The following CTNNA3 variants were observed in gnomAD, a reference collection of about 807,000 sequenced individuals.
The protein encoded by CTNNA3 is catenin alpha-3.
Under a neutral mutation model 95.7 loss-of-function variants are expected in CTNNA3, and 76 were observed. The ratio of observed to expected loss-of-function variants is 0.79; its 90% CI spans 0.66 to 0.96. The LOEUF is 0.96. CTNNA3 is among the 40% of genes least tolerant of loss of function. The pLI is 0.00. For missense variants in CTNNA3, 1,191 were observed against 1,089.8 expected, an observed-to-expected ratio of 1.09 and a Z score of -1.31; for synonymous variants, 431 against 374.4, an observed-to-expected ratio of 1.15 and a Z score of -1.74.
chr10:67,732,209 T>C (rs745566736), intron 1 of CTNNA3, among the ~76,000 whole-genome samples: 2 of 152,116 alleles, frequency 1.3e-5, no homozygotes, highest in African/African-American at 2.4e-5. Context: ...TATTGCATAA[T>C]GGTGAGGTCG....
At chr10:66,309,392 T>C (rs1589063690) in intron 12 of CTNNA3, among the ~76,000 whole-genome samples, 1 of 152,154 alleles carries the variant, frequency 6.6e-6, no homozygotes, top group South Asian at 2.1e-4. Flanking sequence ...CAAAATTCTG[T>C]CATTAAGGCT....
At chr10:67,073,137 T>G (rs1011532175) in intron 7 of CTNNA3, among the ~76,000 whole-genome samples, 3 of 152,206 alleles carry the variant, frequency 2.0e-5, no homozygotes, top group Admixed American at 2.0e-4. Flanking sequence ...CCTTCTGAAA[T>G]TTTAGTTCTT....
intron 5 of CTNNA3, among the ~76,000 whole-genome samples, chr10:67,235,058 G>T (rs1371843721): frequency 3.3e-5 from 5 of 151,318 alleles, no homozygotes; most frequent in African/African-American, 7.3e-5. Context: ...TGGGTAGGAA[G>T]AATCAATATC....
intron 5 of CTNNA3, among the ~76,000 whole-genome samples, chr10:67,502,577 C>G (rs1034961763): frequency 2.6e-5 from 4 of 152,220 alleles, no homozygotes; most frequent in Non-Finnish European, 5.9e-5. Flanking sequence ...ACAGCCACCC[C>G]TTCCCCCAGG....
chr10:65,955,802 G>A (rs1262968420), intron 17 of CTNNA3, among the ~76,000 whole-genome samples: 1 of 152,142 alleles, frequency 6.6e-6, no homozygotes, highest in Non-Finnish European at 1.5e-5. Context: ...GTATTTTACT[G>A]AGGATTTTGG....
intron 14 of CTNNA3, among the ~76,000 whole-genome samples, chr10:66,100,710 G>A (rs555102673): frequency 1.2e-4 from 18 of 152,164 alleles, no homozygotes; most frequent in African/African-American, 4.3e-4. Context: ...ATAATGGGCA[G>A]CCAGTCATCT....
intron 3 of CTNNA3, among the ~76,000 whole-genome samples, chr10:67,542,101 G>A (rs1840701344): frequency 1.3e-5 from 2 of 152,006 alleles, no homozygotes; most frequent in South Asian, 2.1e-4. Flanking sequence ...GCTCTGTTGG[G>A]AAGAGAAAAG....
intron 5 of CTNNA3, among the ~76,000 whole-genome samples, chr10:67,257,110 C>G (rs2132377697): frequency 6.6e-6 from 1 of 152,206 alleles, no homozygotes; most frequent in African/African-American, 2.4e-5. Flanking sequence ...CATTTTATAA[C>G]TATAAAACAA....
intron 7 of CTNNA3, among the ~76,000 whole-genome samples, chr10:66,999,497 T>C (rs572419259): frequency 6.6e-6 from 1 of 150,714 alleles, no homozygotes; most frequent in South Asian, 2.1e-4. Context: ...GATTATGCCA[T>C]AAAATCCATT....
intron 7 of CTNNA3, among the ~76,000 whole-genome samples, chr10:66,965,639 G>A (rs1849374982): frequency 6.7e-6 from 1 of 148,768 alleles, no homozygotes; most frequent in Non-Finnish European, 1.5e-5. Flanking sequence ...AATGTCTAAC[G>A]AACTTCCACG....
chr10:65,949,094 T>A (rs1247329604), intron 17 of CTNNA3, among the ~76,000 whole-genome samples: 1 of 152,204 alleles, frequency 6.6e-6, no homozygotes, highest in East Asian at 1.9e-4. Flanking sequence ...TCCTGTAATT[T>A]ATTATTATTT....
chr10:66,940,030 C>CT (rs1439763325), intron 7 of CTNNA3, among the ~76,000 whole-genome samples: 3 of 151,680 alleles, frequency 2.0e-5, no homozygotes, highest in African/African-American at 7.3e-5. Flanking sequence ...TGTTTTCATT[C>CT]TTTTTAAAGA....
At chr10:66,166,142 T>C (rs1338220430) in intron 13 of CTNNA3, among the ~76,000 whole-genome samples, 1 of 152,112 alleles carries the variant, frequency 6.6e-6, no homozygotes, top group Non-Finnish European at 1.5e-5. Flanking sequence ...AGAAGGTAAC[T>C]GCATTATTTT....
intron 16 of CTNNA3, among the ~76,000 whole-genome samples, chr10:65,977,061 A>T (rs1417274660): frequency 1.3e-5 from 2 of 152,174 alleles, no homozygotes; most frequent in Non-Finnish European, 2.9e-5. Flanking sequence ...TGACAGAAAA[A>T]CTTCGGTCTC....
chr10:67,147,553 T>C (rs989989930), intron 7 of CTNNA3, among the ~76,000 whole-genome samples: 1 of 152,224 alleles, frequency 6.6e-6, no homozygotes, highest in Non-Finnish European at 1.5e-5. Flanking sequence ...CAGTAATTGA[T>C]GAACACCTTT....
chr10:66,909,338 C>T (rs1206544697), intron 7 of CTNNA3, among the ~76,000 whole-genome samples: 1 of 152,014 alleles, frequency 6.6e-6, no homozygotes, highest in African/African-American at 2.4e-5. Context: ...AGAGAAACCC[C>T]ATCTCTACTA....
Position 67,675,578 on chromosome 10 carries a change from A to G in CTNNA3, c.-6+20422T>C, listed in dbSNP as rs1840520393. ...ACTCTGCCTTTTCTGCCCACATTCT[A>G]ATGGGCAAAGCAAGTTATATGGCCA... is the stretch of plus-strand genomic sequence containing the variant. On this transcript the variant is annotated intron_variant, in intron 1 of 17. Transcript: ENST00000433211. Among the ~76,000 whole-genome samples the G allele has an allele frequency of 2.0e-5, 3 of 152,148 alleles. No homozygotes were observed. The South Asian group carries it at 6.2e-4, about 32-fold the overall frequency.
intron 9 of CTNNA3, among the ~76,000 whole-genome samples, chr10:66,629,104 A>G (rs1449294587): frequency 6.6e-6 from 1 of 152,130 alleles, no homozygotes; most frequent in African/African-American, 2.4e-5. Flanking sequence ...GGAGAAGAAA[A>G]GGTTTCAAGA....
chr10:66,007,406 C>T (rs189762985), intron 15 of CTNNA3, among the ~76,000 whole-genome samples: 2 of 152,276 alleles, frequency 1.3e-5, no homozygotes, highest in Non-Finnish European at 2.9e-5. Flanking sequence ...ATCCACCCTT[C>T]ATGAGGCCTA....
Sources: gnomAD v4.1 joint callset for allele counts (sites outside exome capture counted in the v4.1 genomes callset) on GRCh38, gnomAD v4.1.1 for gene constraint, MANE v1.5 for transcripts, NCBI Gene and HGNC (gene_info 2026-07-23, HGNC 2026-07-21) for gene names.